The following SH3RF3 variants were observed in gnomAD, a reference collection of about 807,000 sequenced individuals.
SH3RF3 encodes E3 ubiquitin-protein ligase SH3RF3.
Under a neutral mutation model 66.3 loss-of-function variants are expected in SH3RF3, and 29 were observed. The ratio of observed to expected loss-of-function variants is 0.44; its 90% CI spans 0.33 to 0.60. The LOEUF is 0.60. Ranked by LOEUF, SH3RF3 falls within the 20% of genes least tolerant of loss-of-function variation. The pLI, the probability that SH3RF3 is intolerant of heterozygous loss-of-function variation, is 0.04. For missense variants in SH3RF3, 1,194 were observed against 1,190.9 expected (o/e 1.00, Z -0.04); for synonymous variants, 583 against 532.0 (o/e 1.10, Z -1.32).
chr2:109,259,515 A>T (rs1471034157), intron 1 of SH3RF3, among the ~76,000 whole-genome samples: 1 of 150,924 alleles, frequency 6.6e-6, no homozygotes, highest in African/African-American at 2.4e-5. Flanking sequence ...CAAAGTCAGG[A>T]CTCTCCGGGG....
chr2:109,165,263 T>C (rs1677593481), intron 1 of SH3RF3, among the ~76,000 whole-genome samples: 1 of 152,210 alleles, frequency 6.6e-6, no homozygotes, highest in Non-Finnish European at 1.5e-5. Flanking sequence ...TTCAGAGTCA[T>C]TTTGCAGGAA....
At chr2:109,472,077 C>G (rs1678530445) in intron 8 of SH3RF3, among the ~76,000 whole-genome samples, 1 of 152,238 alleles carries the variant, frequency 6.6e-6, no homozygotes, top group Admixed American at 6.5e-5. Flanking sequence ...TTCAAATTCC[C>G]ATCCTTTTCT....
At chr2:109,400,746 GGCTGAGGTCTGGAATGGGTGCTGTAGTGT>G (rs1317389292) in intron 4 of SH3RF3, among the ~76,000 whole-genome samples, 16 of 152,348 alleles carry the variant, frequency 1.1e-4, no homozygotes, top group African/African-American at 3.1e-4. Flanking sequence ...CGGCGGCTGA[GGCTGAGGTCTGGAATGGGTGCTGTAGTGT>G]CTGGAGCTGT....
chr2:109,433,174 TGTGTGTATGCA>T (rs2104572311), intron 6 of SH3RF3, among the ~76,000 whole-genome samples: 1 of 152,318 alleles, frequency 6.6e-6, no homozygotes, highest in East Asian at 1.9e-4. Context: ...AGGTACAGCA[TGTGTGTATGCA>T]GTGTGTATGC....
chr2:109,364,069 T>G (rs2105642727), intron 2 of SH3RF3, among the ~76,000 whole-genome samples: 1 of 152,258 alleles, frequency 6.6e-6, no homozygotes, highest in South Asian at 2.1e-4. Flanking sequence ...TCTATCTTTC[T>G]TCTCCTTCTA....
At chr2:109,238,868 C>T (rs1429223990) in intron 1 of SH3RF3, among the ~76,000 whole-genome samples, 1 of 152,116 alleles carries the variant, frequency 6.6e-6, no homozygotes, top group African/African-American at 2.4e-5. Context: ...TTCTCTCTGT[C>T]CCAAGGGAGG....
chr2:109,135,883 C>T (rs1574468110), intron 1 of SH3RF3, among the ~76,000 whole-genome samples: 1 of 152,134 alleles, frequency 6.6e-6, no homozygotes, highest in South Asian at 2.1e-4. Context: ...AGGGAAAAAA[C>T]GTCTAAGCCA....
intron 1 of SH3RF3, among the ~76,000 whole-genome samples, chr2:109,262,320 G>A (rs879502693): frequency 1.2e-4 from 19 of 152,190 alleles, no homozygotes; most frequent in Non-Finnish European, 2.6e-4. Context: ...TAACCACGGT[G>A]GAAAAGCACC....
At chr2:109,402,533 G>C (rs1676343152) in intron 4 of SH3RF3, among the ~76,000 whole-genome samples, 1 of 152,230 alleles carries the variant, frequency 6.6e-6, no homozygotes, top group Admixed American at 6.5e-5. Context: ...GCAGCCCCAG[G>C]CTCCTCGGTG....
chr2:109,495,219 A>G (rs1042933465), intron 9 of SH3RF3, among the ~76,000 whole-genome samples: 3 of 152,246 alleles, frequency 2.0e-5, no homozygotes, highest in African/African-American at 7.2e-5. Context: ...GGGTGTGGTC[A>G]TGGGAAATGC....
chr2:109,187,658 T>C (rs774750337), intron 1 of SH3RF3, among the ~76,000 whole-genome samples: 3 of 152,234 alleles, frequency 2.0e-5, no homozygotes, highest in Non-Finnish European at 4.4e-5. Context: ...GAGTTATGCA[T>C]GTACACTCTG....
intron 2 of SH3RF3, among the ~76,000 whole-genome samples, chr2:109,358,882 TC>T (rs1012449433): frequency 2.0e-5 from 3 of 152,234 alleles, no homozygotes; most frequent in Non-Finnish European, 2.9e-5. Context: ...CTAGATTTTC[TC>T]CTACATTATC....
At chr2:109,497,623 G>A (rs950098550) in intron 9 of SH3RF3, among the ~76,000 whole-genome samples, 8 of 152,142 alleles carry the variant, frequency 5.3e-5, no homozygotes, top group South Asian at 2.1e-4. Context: ...CGACAACGGC[G>A]CTCTGTGTCT....
At chr2:109,147,254 A>G (rs978054714) in intron 1 of SH3RF3, among the ~76,000 whole-genome samples, 9 of 152,124 alleles carry the variant, frequency 5.9e-5, no homozygotes, top group African/African-American at 2.2e-4. Context: ...GGTTTGCTCG[A>G]AAGATGTAAA....
intron 8 of SH3RF3, among the ~76,000 whole-genome samples, chr2:109,450,834 C>G (rs540613106): frequency 6.6e-6 from 1 of 152,334 alleles, no homozygotes; most frequent in South Asian, 2.1e-4. Context: ...AGGGATTGTT[C>G]TCTCTTGGCT....
intron 1 of SH3RF3, among the ~76,000 whole-genome samples, chr2:109,249,191 A>G (rs957678867): frequency 6.6e-6 from 1 of 151,910 alleles, no homozygotes; most frequent in Non-Finnish European, 1.5e-5. Context: ...CAAGAACTAC[A>G]CTCGTTAACT....
intron 1 of SH3RF3, among the ~76,000 whole-genome samples, chr2:109,247,112 A>T (rs1679935984): frequency 6.6e-6 from 1 of 152,306 alleles, no homozygotes; most frequent in East Asian, 1.9e-4. Flanking sequence ...GGGAATTGTA[A>T]TCCCATGGGT....
At chr2:109,355,287 C>A (rs1169886431) in intron 2 of SH3RF3, among the ~76,000 whole-genome samples, 1 of 152,186 alleles carries the variant, frequency 6.6e-6, no homozygotes, top group Admixed American at 6.5e-5. Context: ...TTCTTGAATG[C>A]TGGCATATTG....
At chr2:109,442,319 A>G (rs1335304303) in intron 7 of SH3RF3, among the ~76,000 whole-genome samples, 1 of 151,946 alleles carries the variant, frequency 6.6e-6, no homozygotes, top group African/African-American at 2.4e-5. Context: ...TCAAAAAAAA[A>G]AAAAAAAGAA....
Sources: gnomAD v4.1 joint callset for allele counts (sites outside exome capture counted in the v4.1 genomes callset) on GRCh38, gnomAD v4.1.1 for gene constraint, MANE v1.5 for transcripts, NCBI Gene and HGNC (gene_info 2026-07-23, HGNC 2026-07-21) for gene names.